Variants in ECHDC2 observed in about 807,000 individuals in gnomAD.
ECHDC2 encodes the protein enoyl-CoA hydratase domain-containing protein 2, mitochondrial.
In ECHDC2, 34 loss-of-function variants were observed where a neutral mutation model predicts 40.6. That is an observed-to-expected ratio of 0.84 (90% CI 0.64 to 1.11). ECHDC2 has a LOEUF of 1.11. Among genes scored for constraint, ECHDC2 ranks in the 50% most tolerant of loss-of-function variants. The probability of loss-of-function intolerance (pLI) is 0.00; values close to 1 mark genes in which losing one functional copy is unlikely to be tolerated. For missense variants in ECHDC2, 392 were observed against 400.7 expected (o/e 0.98, Z 0.19); for synonymous variants, 162 against 166.6 (o/e 0.97, Z 0.21).
intron 5 of ECHDC2, chr1:52,906,138 A>G (rs1391459246): frequency 2.8e-6 from 1 of 358,280 alleles, no homozygotes. Flanking sequence ...CTTTGTGATT[A>G]GCTCAGCCAT....
chr1:52,914,392 G>A lies in ECHDC2; in HGVS notation c.122-2602C>T, dbSNP rs537807692. 6.6e-6 allele frequency among the ~76,000 whole-genome samples: 1 copy of A among 152,308 alleles called. No homozygotes were observed. Among genetic ancestry groups the A allele is most frequent in the South Asian group, 2.1e-4 (1 of 4,826 alleles). On this transcript the variant is annotated intron_variant, in intron 1 of 9. Transcript: ENST00000371522. This position sits in a 1 kb window ranked among gnomAD's most constrained non-coding sequence, Gnocchi z 4.0. ...TGCATGTTGGCAAGGTGCAGGGAAGGGGGCAGTCCAGGAGAGAAGCCTGTT... is the reference window on the plus strand; with the variant it reads ...TGCATGTTGGCAAGGTGCAGGGAAGAGGGCAGTCCAGGAGAGAAGCCTGTT...
rs776347314 is a variant in ECHDC2 at position 52,904,879 on chromosome 1, G to A, written c.515-46C>T. ...GGGTGGGAATCAGCATGGGAAGTGG[G>A]AACCCAGAGAAGGCTCAGCCTGGGA... On this transcript the variant is annotated intron_variant, in intron 6 of 9. Coordinates refer to ENST00000371522, the MANE Select transcript of ECHDC2 (RefSeq NM_001198961.2). The A allele has an allele frequency of 6.6e-5, 106 of 1,597,786 alleles. 1 individual carries two copies. In the Middle Eastern group the frequency reaches 8.4e-4, roughly 13 times the overall value.
In ECHDC2 at chr1:52,904,849, G is replaced by A. The variant is rs573846120; in HGVS notation, c.515-16C>T. The A allele has an allele frequency of 3.5e-5, 57 of 1,607,636 alleles. No homozygotes were observed. In the South Asian group the frequency reaches 5.5e-4, roughly 16 times the overall value. The stretch of plus-strand genomic sequence containing the variant: ...TGAGTCCCTCCTACCAGGATGGAGG[G>A]AGCAGGGTGGGAATCAGCATGGGAA... On this transcript the variant is annotated splice_polypyrimidine_tract_variant and intron_variant, in intron 6 of 9. Coordinates refer to ENST00000371522, the MANE Select transcript of ECHDC2 (RefSeq NM_001198961.2).
intron 4 of ECHDC2, chr1:52,906,943 T>TTTG (rs796915106): frequency 9.3e-5 from 13 of 139,424 alleles, no homozygotes; most frequent in African/African-American, 3.1e-4. Flanking sequence ...TTTTTTGTAT[T>TTTG]TTTTTTTTTT....
At position 52,914,570 on chromosome 1, in the gene ECHDC2, C is replaced by A. The variant is rs1208827103; in HGVS notation, c.122-2780G>T. On this transcript the variant is annotated intron_variant, in intron 1 of 9. Coordinates refer to ENST00000371522, the MANE Select transcript of ECHDC2 (RefSeq NM_001198961.2). The surrounding 1 kb of genome is among the most constrained non-coding windows in gnomAD (Gnocchi z 4.0). ...TAACACACGCCTGCCTCCTGTACACCCAGGGCTCCCGTGTGTGCCCAGGAG... is the reference window on the plus strand; with the variant it reads ...TAACACACGCCTGCCTCCTGTACACACAGGGCTCCCGTGTGTGCCCAGGAG... Among the ~76,000 whole-genome samples, 1 of 152,118 alleles carries A rather than the reference C, an allele frequency of 6.6e-6. No individual in the cohort carries two copies. The highest frequency in any genetic ancestry group is 1.5e-5 in the Non-Finnish European group (1 of 68,008).
At chr1:52,917,523 C>T in intron 1 of ECHDC2, 1 of 455,652 alleles carries the variant, frequency 2.2e-6, no homozygotes, top group Non-Finnish European at 4.4e-6. Flanking sequence ...ACAGCTAGAG[C>T]AAAACACAGA....
intron 7 of ECHDC2, among the ~76,000 whole-genome samples, chr1:52,902,851 G>A (rs1368212087): frequency 1.3e-5 from 2 of 151,836 alleles, no homozygotes; most frequent in East Asian, 3.9e-4. Flanking sequence ...TGATGAACAA[G>A]TCACTGAACT....
Position 52,921,603 on chromosome 1 carries a change from G to A in ECHDC2, c.71C>T (p.Ala24Val). 2 of 1,604,462 alleles carry A rather than the reference G, an allele frequency of 1.2e-6. No homozygotes were observed. The highest frequency in any genetic ancestry group is 1.7e-6 in the Non-Finnish European group (2 of 1,176,344). ...CACTTGGATCTCTGAGCCCCCGGCC[G>A]CCCCGTCGGAAGCGCAGCCGCGGGC... Reference protein sequence around the residue: ...LRARGCASDGAAGGSEIQVRA... With the variant: ...LRARGCASDGVAGGSEIQVRA... The change falls in exon 1 of 10, where the codon GCG becomes GTG. Residue 24 changes from alanine to valine, a missense_variant. Ala to Val is a moderately conservative substitution (Grantham distance 64). Coordinates refer to ENST00000371522, the MANE Select transcript of ECHDC2 (RefSeq NM_001198961.2).
intron 7 of ECHDC2, among the ~76,000 whole-genome samples, chr1:52,904,136 T>C (rs911883906): frequency 6.6e-6 from 1 of 152,178 alleles, no homozygotes; most frequent in African/African-American, 2.4e-5. Flanking sequence ...ATTTCAAGAA[T>C]ATCCCACCAG....
rs1268958977 is a variant in ECHDC2 at position 52,914,968 on chromosome 1, C to A, written c.122-3178G>T. ...CTTTCTTACCCCAATCCGACCACGT[C>A]CCTCCCCTTCCCCCTTCTTTTCCTC... On this transcript the variant is annotated intron_variant, in intron 1 of 9. Transcript: ENST00000371522. This position sits in a 1 kb window ranked among gnomAD's most constrained non-coding sequence, Gnocchi z 4.0. Among the ~76,000 whole-genome samples the A allele has an allele frequency of 1.3e-5, 2 of 152,076 alleles. No individual in the cohort carries two copies. Among genetic ancestry groups the A allele is most frequent in the African/African-American group, 4.8e-5 (2 of 41,414 alleles).
At chr1:52,921,769 C>G, upstream of ECHDC2, 1 of 1,419,092 alleles carries the variant, frequency 7.0e-7, no homozygotes, top group Non-Finnish European at 9.2e-7. Context: ...GAAGCCTTCG[C>G]CAATTGCTCC....
chr1:52,915,145 C>T (rs1650400567), intron 1 of ECHDC2: 1 of 452,504 alleles, frequency 2.2e-6, no homozygotes, highest in Non-Finnish European at 4.4e-6. Context: ...ATCATCCCTT[C>T]TAGGCTGTTT....
At chr1:52,909,862 A>G (rs867062578) in intron 3 of ECHDC2, among the ~76,000 whole-genome samples, 2 of 152,226 alleles carry the variant, frequency 1.3e-5, no homozygotes, top group Admixed American at 6.5e-5. Context: ...TTGTACACCA[A>G]TGTATTTGGG....
chr1:52,908,761 G>C (rs1394223845), intron 3 of ECHDC2, among the ~76,000 whole-genome samples: 2 of 151,526 alleles, frequency 1.3e-5, no homozygotes, highest in Non-Finnish European at 2.9e-5. Flanking sequence ...TGGTGAAACA[G>C]TGTCTCTACT....
In ECHDC2 at chr1:52,905,164, G is replaced by A. The variant is rs1647455099; in HGVS notation, c.458-74C>T. The A allele has an allele frequency of 3.3e-6, 5 of 1,530,748 alleles. 1 individual carries two copies. The South Asian group carries it at 5.8e-5, about 18-fold the overall frequency. 94.8% of individuals were successfully genotyped at this position (1,530,748 alleles called of 1,614,324 possible). A position where few individuals can be genotyped will look rare whatever the true frequency, so the allele number is the denominator to read the frequency against. On this transcript the variant is annotated intron_variant, in intron 5 of 9. Coordinates refer to ENST00000371522, the MANE Select transcript of ECHDC2 (RefSeq NM_001198961.2). ...AGTGCTAATCCCGGGGGCCACAGCTGCCTCTGCTGTCTACTCGCCCCTCTA... is the reference window on the plus strand; with the variant it reads ...AGTGCTAATCCCGGGGGCCACAGCTACCTCTGCTGTCTACTCGCCCCTCTA...
rs745841219 is a variant in ECHDC2, at chr1:52,906,628, A to C, written c.365-17T>G. ...GGAAGGCTGCTGTGGAGAGGAAGAA[A>C]GGCTCAGCCTGCAAAGCCCTGGTGG... is the stretch of plus-strand genomic sequence containing the variant. On this transcript the variant is annotated splice_polypyrimidine_tract_variant and intron_variant, in intron 4 of 9. Transcript: ENST00000371522. 1.9e-6 allele frequency: 3 copies of C among 1,594,668 alleles called. No homozygotes were observed. Among genetic ancestry groups the C allele is most frequent in the Non-Finnish European group, 2.6e-6 (3 of 1,169,156 alleles).
rs536494803 is a variant in ECHDC2 at position 52,905,312 on chromosome 1, G to A, written c.458-222C>T. 5 of 578,932 alleles carry A rather than the reference G, an allele frequency of 8.6e-6. No homozygotes were observed. The South Asian group carries it at 1.1e-4, about 13-fold the overall frequency. The allele number at this position is 578,932 out of a possible 1,614,324, so 35.9% of individuals were successfully genotyped here. The stretch of plus-strand genomic sequence containing the variant: ...CCATGCCCCTTTGATGGAGTTGTAA[G>A]TCACCAGCAAGTCTCACCCTTCCCA... On this transcript the variant is annotated intron_variant, in intron 5 of 9. Transcript: ENST00000371522.
intron 7 of ECHDC2, chr1:52,901,159 A>AAAATAAATAAAT (rs5774130): frequency 7.5e-5 from 11 of 147,316 alleles, no homozygotes; most frequent in South Asian, 6.7e-4. Context: ...CCCTGTCTCA[A>AAAATAAATAAAT]AAATAAATAA....
At chr1:52,899,375 A>G (rs2150035539) in intron 7 of ECHDC2, 151 bp from the exon 8 acceptor site, 1 of 674,742 alleles carries the variant, frequency 1.5e-6, no homozygotes, top group East Asian at 2.7e-5. Flanking sequence ...TTAGTCCTAT[A>G]ACCTGTTAGC....
Sources: allele counts gnomAD v4.1 joint callset (sites outside exome capture counted in the v4.1 genomes callset), GRCh38; gene constraint gnomAD v4.1.1; non-coding constraint Gnocchi (gnomAD v3.1); transcripts MANE v1.5; gene names NCBI Gene and HGNC (gene_info 2026-07-23, HGNC 2026-07-21).